Variants in ZNF804B observed in about 807,000 individuals in gnomAD.
The protein encoded by ZNF804B is zinc finger 804B.
In ZNF804B, 80 loss-of-function variants were observed where a neutral mutation model predicts 101.4. The ratio of observed to expected loss-of-function variants is 0.79; its 90% confidence interval spans 0.66 to 0.95. ZNF804B has a LOEUF of 0.95. ZNF804B is among the 40% of genes least tolerant of loss of function. The pLI is 0.00. For missense variants in ZNF804B, 1,673 were observed against 1,561.9 expected (o/e 1.07, Z -1.20); for synonymous variants, 622 against 558.8 (o/e 1.11, Z -1.59).
intron 1 of ZNF804B, among the ~76,000 whole-genome samples, chr7:88,874,077 T>C (rs898214884): frequency 2.6e-5 from 4 of 152,274 alleles, no homozygotes; most frequent in African/African-American, 9.6e-5. Flanking sequence ...GCCATTTTCA[T>C]GATGTTGATT....
chr7:89,183,047 G>C (rs1055863412), intron 1 of ZNF804B, among the ~76,000 whole-genome samples: 4 of 152,178 alleles, frequency 2.6e-5, no homozygotes, highest in African/African-American at 9.6e-5. Context: ...GGGGGCTCAT[G>C]TCTGGTAAAA....
chr7:89,200,979 T>G (rs1788624244), intron 1 of ZNF804B, among the ~76,000 whole-genome samples: 1 of 152,026 alleles, frequency 6.6e-6, no homozygotes, highest in African/African-American at 2.4e-5. Flanking sequence ...GAAACCATAG[T>G]GATATTCAGG....
chr7:89,280,686 T>C (rs546768854), intron 2 of ZNF804B, among the ~76,000 whole-genome samples: 1 of 152,118 alleles, frequency 6.6e-6, no homozygotes, highest in Non-Finnish European at 1.5e-5. Flanking sequence ...ACACATACAC[T>C]CTCCCAAGAC....
At chr7:89,104,624 T>C (rs1790108253) in intron 1 of ZNF804B, among the ~76,000 whole-genome samples, 1 of 152,052 alleles carries the variant, frequency 6.6e-6, no homozygotes, top group Admixed American at 6.6e-5. Context: ...CCCATGACTC[T>C]CTCCTTTTTT....
chr7:89,279,937 C>T (rs987169122), intron 2 of ZNF804B, among the ~76,000 whole-genome samples: 2 of 152,078 alleles, frequency 1.3e-5, no homozygotes, highest in African/African-American at 4.8e-5. Context: ...CTCTCCACCC[C>T]AAATCAACAG....
intron 2 of ZNF804B, among the ~76,000 whole-genome samples, chr7:89,310,952 C>T (rs1431446591): frequency 2.7e-5 from 4 of 148,680 alleles, no homozygotes; most frequent in African/African-American, 9.9e-5. Context: ...CAGAGGTTTG[C>T]TAAAGGATTC....
chr7:88,815,274 G>A (rs7789358), intron 1 of ZNF804B, among the ~76,000 whole-genome samples: 1 of 148,140 alleles, frequency 6.8e-6, no homozygotes, highest in African/African-American at 2.5e-5. Flanking sequence ...CTATCCATAT[G>A]ATTCTGTAGA....
chr7:89,310,988 T>C (rs1309872253), intron 2 of ZNF804B, among the ~76,000 whole-genome samples: 1 of 152,144 alleles, frequency 6.6e-6, no homozygotes, highest in Non-Finnish European at 1.5e-5. Flanking sequence ...TTTTTTAATT[T>C]TTGGGGCCTA....
At chr7:89,215,914 A>AATAAATAAATACATAC (rs1229607935) in intron 1 of ZNF804B, among the ~76,000 whole-genome samples, 4 of 150,478 alleles carry the variant, frequency 2.7e-5, no homozygotes, top group African/African-American at 9.8e-5. Flanking sequence ...TAAATAAATA[A>AATAAATAAATACATAC]ATAAATAAAT....
chr7:89,220,132 C>T (rs377118086), intron 2 of ZNF804B, among the ~76,000 whole-genome samples: 3,636 of 34,766 alleles, frequency 0.1, 750 homozygotes, highest in African/African-American at 0.16. Flanking sequence ...TATACGCACA[C>T]ATATATGTGT....
intron 1 of ZNF804B, among the ~76,000 whole-genome samples, chr7:89,197,864 C>T (rs10279190): frequency 0.74 from 112,484 of 151,586 alleles, 42,813 homozygotes; most frequent in African/African-American, 0.87. Context: ...TGAAGAAATA[C>T]CTCATTTCTA....
At chr7:89,217,744 C>A (rs1210126394) in intron 1 of ZNF804B, among the ~76,000 whole-genome samples, 1 of 152,022 alleles carries the variant, frequency 6.6e-6, no homozygotes, top group Non-Finnish European at 1.5e-5. Context: ...AATGGGGACA[C>A]CCATGGGAGA....
intron 2 of ZNF804B, among the ~76,000 whole-genome samples, chr7:89,296,345 A>G (rs1013602350): frequency 2.6e-5 from 4 of 151,896 alleles, no homozygotes; most frequent in African/African-American, 7.2e-5. Context: ...TGACCTCTTT[A>G]TTTTCATATA....
In ZNF804B at chr7:89,230,208, T is replaced by C. The variant is rs147989518; in HGVS notation, c.249+11913T>C. 3.8e-3 allele frequency among the ~76,000 whole-genome samples: 576 copies of C among 151,232 alleles called. 3 individuals are homozygous for C. Among genetic ancestry groups the C allele is most frequent in the African/African-American group, 0.013 (553 of 41,218 alleles). ...CAATAACACTAAAAATAAGAACCAA[T>C]GGTGAAAATCAATGAAACTAAAAGC... is the stretch of plus-strand genomic sequence containing the variant. On this transcript the variant is annotated intron_variant, in intron 2 of 3. Transcript: ENST00000333190.
chr7:89,136,026 T>G (rs920128552), intron 1 of ZNF804B, among the ~76,000 whole-genome samples: 1 of 152,136 alleles, frequency 6.6e-6, no homozygotes, highest in Non-Finnish European at 1.5e-5. Context: ...TATTTCAAAA[T>G]TTATAAACTT....
Position 88,761,103 on chromosome 7 carries a change from A to G in ZNF804B, c.108+1019A>G, listed in dbSNP as rs548038520. Among the ~76,000 whole-genome samples the G allele has an allele frequency of 3.1e-4, 47 of 152,002 alleles. No individual in the cohort carries two copies. In the South Asian group the frequency reaches 9.8e-3, roughly 32 times the overall value. On this transcript the variant is annotated intron_variant, in intron 1 of 3. Coordinates refer to ENST00000333190, the MANE Select transcript of ZNF804B (RefSeq NM_181646.5). ...GTTTGATATTTTCCATCATGGTTTA[A>G]TGCTTCTTTAGCATGAATTATTCAA...
chr7:89,144,001 C>T (rs1025368257), intron 1 of ZNF804B, among the ~76,000 whole-genome samples: 6 of 151,838 alleles, frequency 4.0e-5, no homozygotes, highest in Non-Finnish European at 7.4e-5. Flanking sequence ...TTATTACACC[C>T]GTCTCCTTTT....
chr7:89,264,381 T>G (rs2115821328), intron 2 of ZNF804B, among the ~76,000 whole-genome samples: 1 of 152,340 alleles, frequency 6.6e-6, no homozygotes, highest in Non-Finnish European at 1.5e-5. Flanking sequence ...TATCTCAAAC[T>G]AATACAGTCT....
At chr7:89,001,868 T>C (rs567900962) in intron 1 of ZNF804B, among the ~76,000 whole-genome samples, 27 of 151,946 alleles carry the variant, frequency 1.8e-4, no homozygotes, top group African/African-American at 6.5e-4. Flanking sequence ...TTTGTATTAT[T>C]ATTGTCCTTT....
Sources: allele counts gnomAD v4.1 joint callset (sites outside exome capture counted in the v4.1 genomes callset), GRCh38; gene constraint gnomAD v4.1.1; transcripts MANE v1.5; gene names NCBI Gene and HGNC (gene_info 2026-07-23, HGNC 2026-07-21).